MKLN1: variants seen among roughly 807,000 people sequenced by gnomAD.
MKLN1 encodes the protein muskelin.
In MKLN1, 18 loss-of-function variants were observed where a neutral mutation model predicts 99.0. That is an observed-to-expected ratio of 0.18 (90% CI 0.13 to 0.27). The LOEUF is 0.27. MKLN1 is among the 10% of genes least tolerant of loss of function. MKLN1 has a pLI of 1.00. For missense variants in MKLN1, 621 were observed against 875.9 expected, an observed-to-expected ratio of 0.71 and a Z score of 3.67; for synonymous variants, 288 against 293.2, an observed-to-expected ratio of 0.98 and a Z score of 0.18.
chr7:131,148,407 C>T (rs373567788), intron 2 of MKLN1, among the ~76,000 whole-genome samples: 10 of 152,170 alleles, frequency 6.6e-5, no homozygotes, highest in African/African-American at 1.2e-4. Context: ...AATGGAATAC[C>T]GAAATGGAGA....
At chr7:131,383,771 A>G (rs1276410369) in intron 2 of MKLN1, among the ~76,000 whole-genome samples, 1 of 152,132 alleles carries the variant, frequency 6.6e-6, no homozygotes, top group Non-Finnish European at 1.5e-5. Flanking sequence ...TCTGTCACCA[A>G]ATCCCATCAA....
chr7:131,434,476 C>A (rs1584738920), intron 9 of MKLN1, among the ~76,000 whole-genome samples: 1 of 152,244 alleles, frequency 6.6e-6, no homozygotes, highest in Admixed American at 6.5e-5. Flanking sequence ...CTAATAGCTT[C>A]TTTTTTATTT....
chr7:131,460,344 A>T (rs1796479284), intron 12 of MKLN1, among the ~76,000 whole-genome samples: 1 of 152,230 alleles, frequency 6.6e-6, no homozygotes, highest in African/African-American at 2.4e-5. Context: ...AAGGTAGTTA[A>T]CAGCAGTTTC....
chr7:131,436,497 T>C (rs1795679150), intron 9 of MKLN1, among the ~76,000 whole-genome samples: 1 of 152,224 alleles, frequency 6.6e-6, no homozygotes. Flanking sequence ...AAAAATAATC[T>C]GAAATTGTGA....
chr7:131,236,949 A>G (rs1202212400), intron 3 of MKLN1, among the ~76,000 whole-genome samples: 3 of 152,108 alleles, frequency 2.0e-5, no homozygotes, highest in Non-Finnish European at 4.4e-5. Flanking sequence ...ATTGCACACC[A>G]TTGCACTCTA....
chr7:131,125,753 C>G, intron 1 of MKLN1, among the ~76,000 whole-genome samples: 1 of 151,908 alleles, frequency 6.6e-6, no homozygotes, highest in African/African-American at 2.4e-5. Context: ...GCCTGTAATC[C>G]CAGCCCTTTG....
At chr7:131,247,228 C>CTTTTTTCT (rs1563265968) in intron 3 of MKLN1, among the ~76,000 whole-genome samples, 2 of 97,466 alleles carry the variant, frequency 2.1e-5, no homozygotes, top group African/African-American at 3.1e-5. Flanking sequence ...TCTTCTTTTT[C>CTTTTTTCT]TTTTTTCTTT....
chr7:131,348,924 T>C (rs1799637933), intron 1 of MKLN1, among the ~76,000 whole-genome samples: 1 of 152,144 alleles, frequency 6.6e-6, no homozygotes, highest in African/African-American at 2.4e-5. Context: ...TTCTCTAGCC[T>C]TTTATTTTTT....
Position 131,414,511 on chromosome 7 carries a change from C to T in MKLN1, c.782-134C>T. 8 of 525,614 alleles carry T rather than the reference C, an allele frequency of 1.5e-5. No individual in the cohort carries two copies. In the South Asian group the frequency reaches 1.6e-4, roughly 10 times the overall value. The allele number at this position is 525,614 out of a possible 1,614,324, so 32.6% of individuals were successfully genotyped here. On this transcript the variant is annotated intron_variant, in intron 7 of 17. Coordinates refer to ENST00000352689, the MANE Select transcript of MKLN1 (RefSeq NM_013255.5). ...GAGTCATACTGTTACTTTTATGAGT[C>T]CTTTTACTTATTAATATTTTGAAAA...
At chr7:131,263,583 T>C (rs897365185) in intron 3 of MKLN1, among the ~76,000 whole-genome samples, 2 of 151,676 alleles carry the variant, frequency 1.3e-5, no homozygotes, top group African/African-American at 4.8e-5. Flanking sequence ...CACTTTTTTT[T>C]TTTTTTGAGA....
At chr7:131,441,921 G>A (rs1266795537) in intron 10 of MKLN1, among the ~76,000 whole-genome samples, 2 of 152,236 alleles carry the variant, frequency 1.3e-5, no homozygotes, top group African/African-American at 4.8e-5. Context: ...GAGTGATTGA[G>A]TCTGAAGTAC....
At chr7:131,247,235 C>CTTTTTTTTTTTTTTTTTTTTTTTTT (rs72068521) in intron 3 of MKLN1, among the ~76,000 whole-genome samples, 15 of 141,142 alleles carry the variant, frequency 1.1e-4, no homozygotes, top group South Asian at 2.3e-4. Flanking sequence ...TTTCTTTTTT[C>CTTTTTTTTTTTTTTTTTTTTTTTTT]TTTTTTTTTT....
chr7:131,142,830 C>A, exon 2 of MKLN1: 1 of 1,068,056 alleles, frequency 9.4e-7, no homozygotes, highest in Non-Finnish European at 1.3e-6. Context: ...AGTTCCATAT[C>A]CAGACTCTCA....
At chr7:131,341,219 C>T (rs563229143) in intron 1 of MKLN1, among the ~76,000 whole-genome samples, 6 of 151,460 alleles carry the variant, frequency 4.0e-5, no homozygotes, top group South Asian at 2.1e-4. Context: ...ATGTACCATA[C>T]GGTTCTTCTA....
At chr7:131,450,717 G>GCTA (rs1461160576) in intron 12 of MKLN1, among the ~76,000 whole-genome samples, 1 of 152,136 alleles carries the variant, frequency 6.6e-6, no homozygotes, top group African/African-American at 2.4e-5. Flanking sequence ...CCAAAATCTA[G>GCTA]CTAACTTGTA....
At chr7:131,413,731 G>T (rs1023980341) in intron 7 of MKLN1, among the ~76,000 whole-genome samples, 1 of 151,990 alleles carries the variant, frequency 6.6e-6, no homozygotes, top group Non-Finnish European at 1.5e-5. Context: ...TAGAGACAGG[G>T]TTTCACCATA....
chr7:131,160,682 CT>C (rs5887499), intron 2 of MKLN1, among the ~76,000 whole-genome samples: 17,478 of 119,524 alleles, frequency 0.15, 1,442 homozygotes, highest in African/African-American at 0.3. Context: ...CCACACTGTG[CT>C]TTTTTTTTTT....
intron 3 of MKLN1, among the ~76,000 whole-genome samples, chr7:131,315,709 G>C (rs1039809457): frequency 1.3e-5 from 2 of 152,168 alleles, no homozygotes; most frequent in African/African-American, 4.8e-5. Flanking sequence ...TGAGCTTGGT[G>C]GGGGGAGGGG....
intron 7 of MKLN1, among the ~76,000 whole-genome samples, chr7:131,411,906 C>CAAAAAAATAAAAAAAA (rs1794889235): frequency 1.9e-5 from 1 of 53,092 alleles, no homozygotes; most frequent in Non-Finnish European, 3.5e-5. Flanking sequence ...GATTCCATCT[C>CAAAAAAATAAAAAAAA]AAAAAAAAAA....
Sources: allele counts gnomAD v4.1 joint callset (sites outside exome capture counted in the v4.1 genomes callset), GRCh38; gene constraint gnomAD v4.1.1; transcripts MANE v1.5; gene names NCBI Gene and HGNC (gene_info 2026-07-23, HGNC 2026-07-21).